The following CUBN variants were observed in gnomAD, a reference collection of about 807,000 sequenced individuals.
CUBN encodes the protein cubilin, also known as 460 kDa receptor.
Under a neutral mutation model 405.3 loss-of-function variants are expected in CUBN, and 282 were observed. The observed-to-expected ratio is 0.70, with a 90% CI of 0.63 to 0.77. The LOEUF (loss-of-function observed/expected upper bound fraction) is 0.77, where lower values mean the gene tolerates loss of function less well. Ranked by LOEUF, CUBN falls within the 30% of genes least tolerant of loss-of-function variation. The pLI, the probability that CUBN is intolerant of heterozygous loss-of-function variation, is 0.00. For missense variants in CUBN, 4,514 were observed against 4,475.2 expected (o/e 1.01, Z -0.25); for synonymous variants, 1,684 against 1,617.0 (o/e 1.04, Z -0.99).
chr10:17,068,007 T>C (rs1375085937), intron 21 of CUBN, 57 bp downstream of exon 21: 1 of 1,414,648 alleles, frequency 7.1e-7, no homozygotes, highest in East Asian at 2.3e-5. Context: ...GATCCTTCAC[T>C]GAAGCAGGAA....
chr10:17,087,472 C>CTTTTTTTTTTTTTTTTTTTTTTTT (rs775573918), intron 15 of CUBN, among the ~76,000 whole-genome samples: 21 of 71,722 alleles, frequency 2.9e-4, no homozygotes, highest in Non-Finnish European at 4.0e-4. Flanking sequence ...TTTTCTTTTT[C>CTTTTTTTTTTTTTTTTTTTTTTTT]TTTTTTTTTT....
intron 64 of CUBN, among the ~76,000 whole-genome samples, 165 bp downstream of exon 64, chr10:16,834,849 G>A (rs188231883): frequency 6.6e-6 from 1 of 152,202 alleles, no homozygotes; most frequent in Non-Finnish European, 1.5e-5. Context: ...TCCGGTGTTT[G>A]GACTGGTGCT....
rs140201182 is a variant in CUBN, at chr10:17,085,626, C to G, written c.2081G>C (p.Gly694Ala). 9 of 1,614,102 alleles carry G rather than the reference C, an allele frequency of 5.6e-6. No individual in the cohort carries two copies. Among genetic ancestry groups the G allele is most frequent in the Non-Finnish European group, 7.6e-6 (9 of 1,179,998 alleles). The change falls in exon 16 of 67, where the codon GGC (glycine) becomes GCC (alanine). Residue 694 changes from glycine (G) to alanine (A), a missense_variant. By Grantham distance (60) the Gly-to-Ala change is moderately conservative. This residue lies in a region of CUBN where 1,448 missense variants were observed against 1,388.0 expected (regional missense o/e 1.04). Coordinates refer to ENST00000377833, the MANE Select transcript of CUBN (RefSeq NM_001081.4). ...FHSDSQISDQGFHITYLTSPS... is the reference protein window; with the variant it reads ...FHSDSQISDQAFHITYLTSPS... ...TGATGTTAAGTAGGTGATATGGAAG[C>G]CTTGGTCACTAATCTGGGAGTCTGA... is the stretch of plus-strand genomic sequence containing the variant.
chr10:17,104,318 G>C (rs928775465), intron 12 of CUBN, 101 bp downstream of exon 12: 2 of 1,013,004 alleles, frequency 2.0e-6, no homozygotes, highest in Non-Finnish European at 3.1e-6. Context: ...TGAGCAACTG[G>C]ACAAGAAAGT....
At chr10:17,073,005 AC>A (rs1835775070) in intron 17 of CUBN, among the ~76,000 whole-genome samples, 1 of 152,202 alleles carries the variant, frequency 6.6e-6, no homozygotes, top group Non-Finnish European at 1.5e-5. Flanking sequence ...AAGATGCTCT[AC>A]TTAGTACATT....
At chr10:17,091,481 C>G (rs1397197976) in intron 14 of CUBN, among the ~76,000 whole-genome samples, 1 of 152,052 alleles carries the variant, frequency 6.6e-6, no homozygotes, top group Admixed American at 6.6e-5. Context: ...AACCAAATAG[C>G]TGATATGAGT....
chr10:16,969,342 G>A (rs1483829709), intron 31 of CUBN, among the ~76,000 whole-genome samples: 2 of 148,332 alleles, frequency 1.3e-5, no homozygotes, highest in African/African-American at 5.0e-5. Context: ...AGAGGATGGA[G>A]GCTGTGTATT....
chr10:16,909,965 G>A (rs143703815), intron 48 of CUBN, among the ~76,000 whole-genome samples: 90 of 152,290 alleles, frequency 5.9e-4, no homozygotes, highest in African/African-American at 2.1e-3. Flanking sequence ...GCTGGATAAG[G>A]TATTAGCTAG....
intron 66 of CUBN, among the ~76,000 whole-genome samples, chr10:16,826,199 G>A (rs1382651513): frequency 6.6e-6 from 1 of 152,084 alleles, no homozygotes; most frequent in Non-Finnish European, 1.5e-5. Context: ...CCAAATCAGG[G>A]TTTGTGTTTA....
At chr10:16,907,314 T>C (rs1213738627) in intron 49 of CUBN, among the ~76,000 whole-genome samples, 194 bp downstream of exon 49, 1 of 152,246 alleles carries the variant, frequency 6.6e-6, no homozygotes, top group Non-Finnish European at 1.5e-5. Flanking sequence ...ACTATGGCAG[T>C]TTCTTTCTGA....
intron 28 of CUBN, among the ~76,000 whole-genome samples, chr10:17,010,702 CT>C (rs1182588724): frequency 2.0e-5 from 3 of 152,166 alleles, no homozygotes; most frequent in African/African-American, 7.2e-5. Context: ...TCCAGAACTT[CT>C]ACAAGCTTAG....
chr10:17,026,632 A>T (rs1287427248), intron 27 of CUBN, among the ~76,000 whole-genome samples: 3 of 51,416 alleles, frequency 5.8e-5, no homozygotes, highest in Non-Finnish European at 1.4e-4. Context: ...AGATTCTCTC[A>T]AAAAAAAAAA....
chr10:17,031,416 C>T (rs7089301), intron 27 of CUBN, among the ~76,000 whole-genome samples: 11,587 of 152,138 alleles, frequency 0.076, 1,476 homozygotes, highest in African/African-American at 0.26. Context: ...CTTATTACTC[C>T]GTTTTACAGA....
chr10:17,053,244 G>A (rs1474481522), intron 22 of CUBN, among the ~76,000 whole-genome samples: 1 of 151,920 alleles, frequency 6.6e-6, no homozygotes, highest in Non-Finnish European at 1.5e-5. Context: ...TACATTAGTT[G>A]TAAATGGTCT....
At chr10:17,054,945 G>A (rs1047096158) in intron 22 of CUBN, among the ~76,000 whole-genome samples, 1 of 151,860 alleles carries the variant, frequency 6.6e-6, no homozygotes, top group African/African-American at 2.4e-5. Context: ...TAACTAACAA[G>A]ACCAATATTA....
At chr10:17,002,029 T>C (rs564185713) in intron 28 of CUBN, among the ~76,000 whole-genome samples, 1 of 152,238 alleles carries the variant, frequency 6.6e-6, no homozygotes, top group Non-Finnish European at 1.5e-5. Context: ...CTGCTTCCTC[T>C]GTTCCTCTGA....
rs150521147 is a variant in CUBN, at chr10:16,907,158, G to A, written c.7705+350C>T. ...CCCAGCAAAATTAATTACTCTCTGAGACTAAGTTACCCTCTAGGAGGTAGA... is the reference window on the plus strand; with the variant it reads ...CCCAGCAAAATTAATTACTCTCTGAAACTAAGTTACCCTCTAGGAGGTAGA... On this transcript the variant is annotated intron_variant, in intron 49 of 66. Coordinates refer to ENST00000377833, the MANE Select transcript of CUBN (RefSeq NM_001081.4). Among the ~76,000 whole-genome samples the A allele has an allele frequency of 3.6e-3, 544 of 152,250 alleles. 3 individuals carry two copies. The highest frequency in any genetic ancestry group is 5.9e-3 in the Non-Finnish European group (403 of 68,024).
At chr10:17,025,007 T>C (rs754594094) in intron 27 of CUBN, among the ~76,000 whole-genome samples, 41 of 152,202 alleles carry the variant, frequency 2.7e-4, no homozygotes, top group Non-Finnish European at 5.1e-4. Context: ...CTCAAGAGTT[T>C]CTTTAGGATG....
At chr10:17,014,483 C>T (rs1834274410) in intron 28 of CUBN, among the ~76,000 whole-genome samples, 1 of 152,080 alleles carries the variant, frequency 6.6e-6, no homozygotes. Flanking sequence ...GCCGATGATT[C>T]CAAGGAACCC....
Sources: gnomAD v4.1 joint callset for allele counts (sites outside exome capture counted in the v4.1 genomes callset) on GRCh38, gnomAD v4.1.1 for gene constraint, gnomAD v4.1.1 regional missense constraint, MANE v1.5 for transcripts, NCBI Gene and HGNC (gene_info 2026-07-23, HGNC 2026-07-21) for gene names.